TMPRSS11F: variants seen among roughly 807,000 people sequenced by gnomAD.
The protein encoded by TMPRSS11F is transmembrane serine protease 11F.
TMPRSS11F carries 47 observed loss-of-function variants against 60.2 expected under a neutral mutation model. The ratio of observed to expected loss-of-function variants is 0.78; its 90% CI spans 0.62 to 1.00. The LOEUF is 1.00. Among genes scored for constraint, TMPRSS11F ranks in the 50% least tolerant of loss-of-function variants. TMPRSS11F has a pLI of 0.00. For synonymous variants in TMPRSS11F, 166 were observed against 167.3 expected, an observed-to-expected ratio of 0.99 and a Z score of 0.06; for missense variants, 519 against 522.9, an observed-to-expected ratio of 0.99 and a Z score of 0.07.
intron 4 of TMPRSS11F, among the ~76,000 whole-genome samples, chr4:68,073,455 G>A (rs1408350825): frequency 6.6e-6 from 1 of 152,004 alleles, no homozygotes; most frequent in East Asian, 1.9e-4. Context: ...GGAGAGAAAA[G>A]TGGAAAGGAG....
chr4:68,126,164 T>C (rs542955159), intron 1 of TMPRSS11F, among the ~76,000 whole-genome samples: 1 of 152,306 alleles, frequency 6.6e-6, no homozygotes, highest in South Asian at 2.1e-4. Context: ...GTTTTATTCA[T>C]ATATGTGTGT....
chr4:68,057,482 A>G (rs1723070547), intron 9 of TMPRSS11F, among the ~76,000 whole-genome samples: 1 of 152,172 alleles, frequency 6.6e-6, no homozygotes, highest in South Asian at 2.1e-4. Context: ...CTCAGGCAAC[A>G]AAAGCAAAAA....
intron 2 of TMPRSS11F, among the ~76,000 whole-genome samples, chr4:68,094,754 C>A (rs1387931331): frequency 6.6e-6 from 1 of 151,734 alleles, no homozygotes; most frequent in Non-Finnish European, 1.5e-5. Flanking sequence ...TTTCAAGAAA[C>A]CAAACTTCAA....
chr4:68,123,005 G>A (rs571045431), intron 1 of TMPRSS11F, among the ~76,000 whole-genome samples: 2 of 152,222 alleles, frequency 1.3e-5, no homozygotes, highest in Non-Finnish European at 1.5e-5. Context: ...GTCTATCTTA[G>A]CCATCCAAAT....
chr4:68,107,284 T>C (rs1006392291), intron 1 of TMPRSS11F, among the ~76,000 whole-genome samples: 4 of 152,220 alleles, frequency 2.6e-5, no homozygotes, highest in Non-Finnish European at 4.4e-5. Context: ...GGATATAGAC[T>C]GCCTTTATGT....
chr4:68,095,177 T>C (rs1724046651), intron 2 of TMPRSS11F, among the ~76,000 whole-genome samples: 2 of 151,284 alleles, frequency 1.3e-5, no homozygotes, highest in Non-Finnish European at 2.9e-5. Context: ...ATATGTATAT[T>C]ATATGTATAA....
chr4:68,054,165 C>G, intron 9 of TMPRSS11F, 98 bp from the exon 10 acceptor site: 1 of 1,063,074 alleles, frequency 9.4e-7, no homozygotes. Context: ...AATTGGTACA[C>G]AGACCACAGC....
chr4:68,087,098 A>G (rs1272613318), intron 3 of TMPRSS11F, among the ~76,000 whole-genome samples: 1 of 152,212 alleles, frequency 6.6e-6, no homozygotes, highest in Non-Finnish European at 1.5e-5. Flanking sequence ...AATACTCCTT[A>G]TAAACATAGA....
chr4:68,097,740 A>T (rs1220909119), intron 2 of TMPRSS11F, among the ~76,000 whole-genome samples: 1 of 151,944 alleles, frequency 6.6e-6, no homozygotes, highest in East Asian at 1.9e-4. Context: ...TTGGGAGTGA[A>T]GGGCATTTTA....
chr4:68,090,106 A>G (rs1723892770), intron 3 of TMPRSS11F, among the ~76,000 whole-genome samples: 1 of 152,148 alleles, frequency 6.6e-6, no homozygotes, highest in South Asian at 2.1e-4. Context: ...TAAGATTAAT[A>G]TCAAGAATTA....
At chr4:68,072,967 A>G (rs1310454143) in intron 4 of TMPRSS11F, among the ~76,000 whole-genome samples, 1 of 152,144 alleles carries the variant, frequency 6.6e-6, no homozygotes, top group Non-Finnish European at 1.5e-5. Context: ...GGCTTTCCTG[A>G]GGTTTACTGA....
intron 1 of TMPRSS11F, among the ~76,000 whole-genome samples, chr4:68,115,359 A>C (rs1488379625): frequency 2.6e-5 from 2 of 75,504 alleles, no homozygotes; most frequent in African/African-American, 4.9e-5. Flanking sequence ...ACCATCTCAA[A>C]AAAAAAAAAA....
At chr4:68,104,398 G>A (rs1449769261) in intron 1 of TMPRSS11F, among the ~76,000 whole-genome samples, 1 of 152,112 alleles carries the variant, frequency 6.6e-6, no homozygotes, top group Non-Finnish European at 1.5e-5. Flanking sequence ...GGGACCTGGT[G>A]GGAGGTAACT....
Position 68,054,067 on chromosome 4 carries a change from C to T in TMPRSS11F, c.1159G>A (p.Gly387Arg), listed in dbSNP as rs1291058562. The part of the protein sequence containing the change: ...FMEGKIDACK[G>R]DSGGPLVYDN... ...TAAACCAGAGGTCCACCAGAATCTC[C>T]CTGAAATAAAAACATATTTTAAATT... is the stretch of plus-strand genomic sequence containing the variant. The change falls in exon 10 of 10, where the codon GGA becomes AGA. Residue 387 changes from glycine (G) to arginine (R), a missense_variant and splice_region_variant. Gly to Arg is a moderately radical substitution (Grantham distance 125, BLOSUM62 -2). Coordinates refer to ENST00000356291, the MANE Select transcript of TMPRSS11F (RefSeq NM_207407.2). The T allele has an allele frequency of 6.2e-7, 1 of 1,610,278 alleles. No individual in the cohort carries two copies. Among genetic ancestry groups the T allele is most frequent in the Non-Finnish European group, 8.5e-7 (1 of 1,177,834 alleles).
chr4:68,094,871 A>G (rs1000527691), intron 2 of TMPRSS11F, among the ~76,000 whole-genome samples: 5 of 151,804 alleles, frequency 3.3e-5, no homozygotes, highest in African/African-American at 7.2e-5. Context: ...TTTTTACCCC[A>G]TAACAAGTGG....
At chr4:68,095,035 T>A (rs1490995732) in intron 2 of TMPRSS11F, among the ~76,000 whole-genome samples, 1 of 151,992 alleles carries the variant, frequency 6.6e-6, no homozygotes, top group East Asian at 1.9e-4. Context: ...GTGTTTGAAT[T>A]TTTTTAGTTA....
chr4:68,128,383 T>C (rs1724754965), intron 1 of TMPRSS11F, among the ~76,000 whole-genome samples: 1 of 152,136 alleles, frequency 6.6e-6, no homozygotes, highest in Admixed American at 6.5e-5. Context: ...ACTGAAATAG[T>C]GCTATGTACC....
At chr4:68,110,499 G>A (rs6810773) in intron 1 of TMPRSS11F, among the ~76,000 whole-genome samples, 61,952 of 151,762 alleles carry the variant, frequency 0.41, 13,850 homozygotes, top group Non-Finnish European at 0.52. Flanking sequence ...TTTAAGTTGA[G>A]AGATAGTATA....
chr4:68,081,845 C>T (rs12498228), intron 3 of TMPRSS11F, among the ~76,000 whole-genome samples: 2 of 152,142 alleles, frequency 1.3e-5, no homozygotes, highest in Admixed American at 6.5e-5. Context: ...CAATCTTCAA[C>T]ATTTTTGCTG....
Sources: gnomAD v4.1 joint callset for allele counts (sites outside exome capture counted in the v4.1 genomes callset) on GRCh38, gnomAD v4.1.1 for gene constraint, MANE v1.5 for transcripts, NCBI Gene and HGNC (gene_info 2026-07-23, HGNC 2026-07-21) for gene names.